ENTREP1: variants seen among roughly 807,000 people sequenced by gnomAD.
The protein encoded by ENTREP1 is endosomal transmembrane epsin interactor 1.
chr9:69,388,017 A>C, the ENTREP1 span: 1 of 1,562,924 alleles, frequency 6.4e-7, no homozygotes, highest in South Asian at 1.2e-5. Flanking sequence ...TCCTTCTGCA[A>C]GATGAAAAGC....
the ENTREP1 span, among the ~76,000 whole-genome samples, chr9:69,347,646 A>C: frequency 6.6e-6 from 1 of 152,178 alleles, no homozygotes; most frequent in East Asian, 1.9e-4. Flanking sequence ...TGTGACTTGA[A>C]GTGACTGGAG....
the ENTREP1 span, chr9:69,385,977 G>T: frequency 6.4e-7 from 1 of 1,570,514 alleles, no homozygotes; most frequent in African/African-American, 1.4e-5. Context: ...TCTTCGCAGG[G>T]CTGTGTGCTT....
the ENTREP1 span, among the ~76,000 whole-genome samples, chr9:69,353,027 T>C: frequency 0.87 from 133,129 of 152,234 alleles, 58,488 homozygotes; most frequent in African/African-American, 0.95. Context: ...GTCTCAGCTA[T>C]TTAGGAGGCT....
chr9:69,391,707 C>T, the ENTREP1 span: 237 of 1,613,938 alleles, frequency 1.5e-4, no homozygotes, highest in African/African-American at 2.5e-4. Flanking sequence ...CACACCTTCA[C>T]ACCAGCGGGG....
the ENTREP1 span, among the ~76,000 whole-genome samples, chr9:69,327,638 A>AGAAAAG: frequency 6.7e-6 from 1 of 149,906 alleles, no homozygotes; most frequent in Non-Finnish European, 1.5e-5. Flanking sequence ...AGAAAAGAAA[A>AGAAAAG]AAAAAGGCCT....
At chr9:69,377,608 C>T in the ENTREP1 span, 1 of 1,613,724 alleles carries the variant, frequency 6.2e-7, no homozygotes, top group Non-Finnish European at 8.5e-7. Flanking sequence ...GCTGTTTAAT[C>T]AGGATGAATC....
At chr9:69,363,041 C>T in the ENTREP1 span, among the ~76,000 whole-genome samples, 1 of 152,108 alleles carries the variant, frequency 6.6e-6, no homozygotes, top group Non-Finnish European at 1.5e-5. Context: ...CAAATACACG[C>T]ATGTCGCCAG....
chr9:69,326,226 G>A, the ENTREP1 span, among the ~76,000 whole-genome samples: 659 of 152,262 alleles, frequency 4.3e-3, 5 homozygotes, highest in African/African-American at 0.015. Context: ...TAAGACACAC[G>A]TAAATGTGAA....
chr9:69,383,949 A>T, the ENTREP1 span: 2 of 1,613,330 alleles, frequency 1.2e-6, no homozygotes, highest in Non-Finnish European at 1.7e-6. Context: ...TGATGCAGGG[A>T]TCTTCATTCC....
chr9:69,377,236 A>G, the ENTREP1 span: 1 of 673,840 alleles, frequency 1.5e-6, no homozygotes, highest in Non-Finnish European at 2.7e-6. Flanking sequence ...AACACCATCT[A>G]AGTCCTTTAC....
At chr9:69,332,805 CTT>C in the ENTREP1 span, among the ~76,000 whole-genome samples, 1 of 152,100 alleles carries the variant, frequency 6.6e-6, no homozygotes, top group South Asian at 2.1e-4. Flanking sequence ...ACTCCTGGGA[CTT>C]TTTTCCGCTG....
the ENTREP1 span, among the ~76,000 whole-genome samples, chr9:69,354,931 C>G: frequency 6.6e-6 from 1 of 152,134 alleles, no homozygotes. Flanking sequence ...CCGTTCCCTC[C>G]TTTGAGATAT....
the ENTREP1 span, among the ~76,000 whole-genome samples, chr9:69,349,184 C>CAAAAAAAAAAA: frequency 2.3e-5 from 2 of 85,288 alleles, no homozygotes; most frequent in African/African-American, 4.4e-5. Context: ...AACTCCATCT[C>CAAAAAAAAAAA]AAAAAAAAAA....
the ENTREP1 span, among the ~76,000 whole-genome samples, chr9:69,345,840 G>A: frequency 6.6e-6 from 1 of 150,474 alleles, no homozygotes; most frequent in Non-Finnish European, 1.5e-5. Context: ...CTGACCTCAA[G>A]TGACTTGCCC....
the ENTREP1 span, among the ~76,000 whole-genome samples, chr9:69,337,504 A>G: frequency 6.6e-6 from 1 of 152,070 alleles, no homozygotes; most frequent in African/African-American, 2.4e-5. Flanking sequence ...TTTGTTATTG[A>G]GGTAAAATTT....
At chr9:69,342,123 C>T in the ENTREP1 span, among the ~76,000 whole-genome samples, 2 of 151,462 alleles carry the variant, frequency 1.3e-5, no homozygotes, top group South Asian at 2.1e-4. Context: ...TTTATTAAGG[C>T]GCAAAATGGA....
the ENTREP1 span, chr9:69,391,787 C>T: frequency 2.8e-5 from 45 of 1,606,274 alleles, no homozygotes; most frequent in Non-Finnish European, 2.3e-5. Flanking sequence ...TGGGGTCATC[C>T]GAGAGACTGT....
chr9:69,391,715 G>GGGAGGCCCCGAGCCGAGA, the ENTREP1 span: 1 of 1,613,890 alleles, frequency 6.2e-7, no homozygotes, highest in Non-Finnish European at 8.5e-7. Context: ...CACACCAGCG[G>GGGAGGCCCCGAGCCGAGA]GGAGGCCCCG....
At chr9:69,368,330 T>G in the ENTREP1 span, among the ~76,000 whole-genome samples, 1 of 152,014 alleles carries the variant, frequency 6.6e-6, no homozygotes, top group Non-Finnish European at 1.5e-5. Flanking sequence ...TAGCTGTGGG[T>G]TTTTCATTTA....
Sources: gnomAD v4.1 joint callset for allele counts (sites outside exome capture counted in the v4.1 genomes callset) on GRCh38, gnomAD v4.1.1 for gene constraint, MANE v1.5 for transcripts, NCBI Gene and HGNC (gene_info 2026-07-23, HGNC 2026-07-21) for gene names.